The following ARHGAP28 variants were observed in gnomAD, a reference collection of about 807,000 sequenced individuals.
The protein encoded by ARHGAP28 is Rho GTPase activating protein 28.
Under a neutral mutation model 90.7 loss-of-function variants are expected in ARHGAP28, and 56 were observed. The ratio of observed to expected loss-of-function variants is 0.62; its 90% CI spans 0.50 to 0.77. The LOEUF is 0.77. Among genes scored for constraint, ARHGAP28 ranks in the 30% least tolerant of loss-of-function variants. ARHGAP28 has a pLI of 0.00. For synonymous variants in ARHGAP28, 308 were observed against 323.3 expected (o/e 0.95, Z 0.51); for missense variants, 869 against 900.9 (o/e 0.96, Z 0.45).
At chr18:6,747,954 G>A (rs1295593327) in intron 1 of ARHGAP28, among the ~76,000 whole-genome samples, 3 of 152,278 alleles carry the variant, frequency 2.0e-5, no homozygotes, top group South Asian at 2.1e-4. Flanking sequence ...GCTTTAACTC[G>A]ACACTAATGA....
chr18:6,856,351 A>G (rs2056953715), intron 4 of ARHGAP28, among the ~76,000 whole-genome samples: 1 of 152,182 alleles, frequency 6.6e-6, no homozygotes, highest in Non-Finnish European at 1.5e-5. Flanking sequence ...TATAATCTCA[A>G]TTCAAAGCAG....
intron 1 of ARHGAP28, chr18:6,779,066 A>G (rs190271784): frequency 6.6e-6 from 1 of 152,370 alleles, no homozygotes; most frequent in African/African-American, 2.4e-5. Context: ...TCTCCAGACC[A>G]GGTCACAAGA....
intron 3 of ARHGAP28, among the ~76,000 whole-genome samples, chr18:6,849,515 G>T (rs2056893130): frequency 6.6e-6 from 1 of 152,142 alleles, no homozygotes; most frequent in Non-Finnish European, 1.5e-5. Context: ...CATCTTCTTA[G>T]CAGATTGTGC....
intron 10 of ARHGAP28, among the ~76,000 whole-genome samples, chr18:6,880,801 G>A (rs1024206242): frequency 7.2e-5 from 11 of 152,054 alleles, no homozygotes; most frequent in Non-Finnish European, 1.6e-4. Flanking sequence ...TATAGCATGT[G>A]CACTCTAAAT....
At chr18:6,883,153 G>T (rs1271424709) in intron 11 of ARHGAP28, among the ~76,000 whole-genome samples, 1 of 152,072 alleles carries the variant, frequency 6.6e-6, no homozygotes, top group East Asian at 1.9e-4. Flanking sequence ...CCACTGCTTG[G>T]TTCTCCGTAA....
At chr18:6,757,424 G>C (rs1402901922) in intron 1 of ARHGAP28, among the ~76,000 whole-genome samples, 1 of 152,122 alleles carries the variant, frequency 6.6e-6, no homozygotes. Context: ...ACAGAAGCTT[G>C]ACCAGCTTTA....
intron 3 of ARHGAP28, among the ~76,000 whole-genome samples, chr18:6,840,279 C>T (rs375785249): frequency 6.6e-6 from 1 of 152,316 alleles, no homozygotes; most frequent in South Asian, 2.1e-4. Flanking sequence ...GCCTTTCTCA[C>T]TTCTATTTCC....
intron 1 of ARHGAP28, among the ~76,000 whole-genome samples, chr18:6,805,975 C>T (rs557226538): frequency 2.6e-5 from 4 of 152,218 alleles, no homozygotes; most frequent in Admixed American, 2.0e-4. Flanking sequence ...ACTTCCGCCT[C>T]CCGGGTTCAA....
At chr18:6,876,875 A>G (rs1216533201) in intron 10 of ARHGAP28, among the ~76,000 whole-genome samples, 1 of 152,204 alleles carries the variant, frequency 6.6e-6, no homozygotes, top group Non-Finnish European at 1.5e-5. Flanking sequence ...CAATAAAGCA[A>G]AGAACTGTTA....
chr18:6,864,216 C>T lies in ARHGAP28; in HGVS notation c.727-3934C>T, dbSNP rs1469142825. Among the ~76,000 whole-genome samples the T allele has an allele frequency of 2.0e-5, 3 of 152,116 alleles. No individual in the cohort carries two copies. The East Asian group carries it at 5.8e-4, about 29-fold the overall frequency. On this transcript the variant is annotated intron_variant, in intron 5 of 17. Coordinates refer to ENST00000383472, the MANE Select transcript of ARHGAP28 (RefSeq NM_001366230.1). ...CAGTAGCTGGGACTACAAGCGCACA[C>T]CACCATGCCTGGCTAATTTTTGTAT...
intron 16 of ARHGAP28, among the ~76,000 whole-genome samples, chr18:6,903,876 C>T (rs1954395938): frequency 6.7e-6 from 1 of 149,532 alleles, no homozygotes; most frequent in African/African-American, 2.5e-5. Flanking sequence ...AATCCTGGGC[C>T]ATAAAACAAA....
At chr18:6,835,012 A>G (rs1217136536) in intron 2 of ARHGAP28, among the ~76,000 whole-genome samples, 1 of 152,362 alleles carries the variant, frequency 6.6e-6, no homozygotes, top group Middle Eastern at 3.4e-3. Flanking sequence ...ACTGAAATTC[A>G]AAGGAGTTCT....
At chr18:6,753,991 A>G (rs2056090042) in intron 1 of ARHGAP28, among the ~76,000 whole-genome samples, 1 of 152,194 alleles carries the variant, frequency 6.6e-6, no homozygotes, top group African/African-American at 2.4e-5. Flanking sequence ...GCTCTAAAAT[A>G]TATTATACAA....
chr18:6,739,669 C>CTT (rs1555622772), intron 1 of ARHGAP28, among the ~76,000 whole-genome samples: 1 of 150,674 alleles, frequency 6.6e-6, no homozygotes, highest in African/African-American at 2.4e-5. Flanking sequence ...CTCTCTCTCT[C>CTT]TCTTTCTTTC....
chr18:6,736,457 C>T (rs116045289), intron 1 of ARHGAP28, among the ~76,000 whole-genome samples: 1,879 of 151,808 alleles, frequency 0.012, 37 homozygotes, highest in African/African-American at 0.043. Flanking sequence ...GGAAAAAAAT[C>T]GGCTGGGTGC....
At chr18:6,848,764 C>G (rs747691524) in intron 3 of ARHGAP28, among the ~76,000 whole-genome samples, 1 of 152,140 alleles carries the variant, frequency 6.6e-6, no homozygotes, top group Non-Finnish European at 1.5e-5. Flanking sequence ...GTCTTGAGCT[C>G]CATGTGAAAG....
At position 6,860,580 on chromosome 18, in the gene ARHGAP28, A is replaced by C. The variant is rs562790227; in HGVS notation, c.726+683A>C. Among the ~76,000 whole-genome samples, 157 of 152,288 alleles carry C rather than the reference A, an allele frequency of 1.0e-3. 1 individual carries two copies. Among genetic ancestry groups the C allele is most frequent in the African/African-American group, 3.6e-3 (148 of 41,552 alleles). On this transcript the variant is annotated intron_variant, in intron 5 of 17. Transcript: ENST00000383472. The stretch of plus-strand genomic sequence containing the variant: ...GGCTGGTTGATGGAAGGCAGCAGTT[A>C]GCACAACAGCCACTCAGATGGAGGT...
chr18:6,866,081 G>A (rs1421053066), intron 5 of ARHGAP28, among the ~76,000 whole-genome samples: 1 of 152,144 alleles, frequency 6.6e-6, no homozygotes, highest in Non-Finnish European at 1.5e-5. Flanking sequence ...TATATGTCAA[G>A]CATCTAGCCT....
At chr18:6,901,357 T>G (rs954268163) in intron 16 of ARHGAP28, among the ~76,000 whole-genome samples, 1 of 152,076 alleles carries the variant, frequency 6.6e-6, no homozygotes, top group Non-Finnish European at 1.5e-5. Context: ...AAAATGGTGG[T>G]GCACCCCCAC....
Sources: gnomAD v4.1 joint callset for allele counts (sites outside exome capture counted in the v4.1 genomes callset) on GRCh38, gnomAD v4.1.1 for gene constraint, MANE v1.5 for transcripts, NCBI Gene and HGNC (gene_info 2026-07-23, HGNC 2026-07-21) for gene names.